NSRP1: variants seen among roughly 807,000 people sequenced by gnomAD.
The protein encoded by NSRP1 is coiled-coil domain containing 55.
A neutral mutation model predicts 54.7 loss-of-function variants in NSRP1; 24 were observed. That is an observed-to-expected ratio of 0.44 (90% CI 0.32 to 0.62). The LOEUF is 0.62. Among genes scored for constraint, NSRP1 ranks in the 20% least tolerant of loss-of-function variants. The probability of loss-of-function intolerance (pLI) is 0.06; values close to 1 mark genes in which losing one functional copy is unlikely to be tolerated. For synonymous variants in NSRP1, 210 were observed against 213.8 expected, an observed-to-expected ratio of 0.98 and a Z score of 0.15; for missense variants, 596 against 651.2, an observed-to-expected ratio of 0.92 and a Z score of 0.92.
In NSRP1 at chr17:30,183,232, T is replaced by A. The variant is rs202193585; in HGVS notation, c.618-1383T>A. Among the ~76,000 whole-genome samples, 127 of 63,530 alleles carry A rather than the reference T, an allele frequency of 2.0e-3. 1 individual carries two copies. The highest frequency in any genetic ancestry group is 3.1e-3 in the Admixed American group (13 of 4,142). The allele number at this position is 63,530 out of a possible 152,430, so 41.7% of individuals were successfully genotyped here. On this transcript the variant is annotated intron_variant, in intron 6 of 6. Transcript: ENST00000247026. ...TCTGTCCTAAGCAAAAAAAAAAAAA[T>A]TTTTTTTAACAGGAATGTTCTGGGT...
Position 30,145,103 on chromosome 17 carries a change from T to C in NSRP1, c.114+26930T>C, listed in dbSNP as rs375177358. Among the ~76,000 whole-genome samples the C allele has an allele frequency of 1.7e-4, 26 of 152,218 alleles. No individual in the cohort carries two copies. The East Asian group carries it at 2.1e-3, about 12-fold the overall frequency. On this transcript the variant is annotated intron_variant, in intron 2 of 6. Coordinates refer to ENST00000247026, the MANE Select transcript of NSRP1 (RefSeq NM_032141.4). ...ATTGTTTTTAACTACAGCATATACG[T>C]CTACTGTATTTTATCTATCCCATTC...
At chr17:30,149,545 C>G (rs890994044) in intron 2 of NSRP1, among the ~76,000 whole-genome samples, 8 of 152,074 alleles carry the variant, frequency 5.3e-5, no homozygotes, top group African/African-American at 1.9e-4. Flanking sequence ...AGATAAAGTT[C>G]ACATAGCAAA....
In NSRP1 at chr17:30,181,089, C is replaced by G. The variant is rs143646439; in HGVS notation, c.617+73C>G. On this transcript the variant is annotated intron_variant, in intron 6 of 6. Coordinates refer to ENST00000247026, the MANE Select transcript of NSRP1 (RefSeq NM_032141.4). ...TCTGTGGTTGTGGGGTCATTTTAAC[C>G]CTCTGAAAGATGGAAGATTACAACA... is the stretch of plus-strand genomic sequence containing the variant. 8.4e-3 allele frequency: 7,937 copies of G among 941,366 alleles called. 96 individuals carry two copies. Among genetic ancestry groups the G allele is most frequent in the South Asian group, 0.031 (2,315 of 75,606 alleles). The allele number at this position is 941,366 out of a possible 1,614,324, so 58.3% of individuals were successfully genotyped here.
At position 30,179,256 on chromosome 17, in the gene NSRP1, C is replaced by T. The variant is rs745547815; in HGVS notation, c.467C>T (p.Ala156Val). Residue 156 changes from alanine to valine, a missense_variant, in exon 5 of 7, where the codon GCT (alanine) becomes GTT (valine). Coordinates refer to ENST00000247026, the MANE Select transcript of NSRP1 (RefSeq NM_032141.4). ...SAYKKKLQER[A>V]EEEEREKRAA... ...TATAAGAAAAAACTGCAAGAGAGAG[C>T]TGAAGAAGAAGAAAGAGAAAAGAGG... 1 of 1,594,646 alleles carries T rather than the reference C, an allele frequency of 6.3e-7. No homozygotes were observed. Among genetic ancestry groups the T allele is most frequent in the Admixed American group, 1.7e-5 (1 of 58,564 alleles).
At chr17:30,140,354 C>T (rs1475433895) in intron 2 of NSRP1, among the ~76,000 whole-genome samples, 2 of 151,942 alleles carry the variant, frequency 1.3e-5, no homozygotes, top group Non-Finnish European at 2.9e-5. Context: ...TAAACAAAAG[C>T]TGTTTGGGTA....
At chr17:30,168,606 TAATA>T (rs1232330137) in intron 2 of NSRP1, among the ~76,000 whole-genome samples, 2 of 148,838 alleles carry the variant, frequency 1.3e-5, no homozygotes, top group South Asian at 2.1e-4. Flanking sequence ...ATAATAATAA[TAATA>T]AATAAAATAA....
chr17:30,133,685 C>T (rs1479235701), intron 2 of NSRP1, among the ~76,000 whole-genome samples: 5 of 152,204 alleles, frequency 3.3e-5, no homozygotes, highest in Non-Finnish European at 7.3e-5. Context: ...GTTTTGTCTA[C>T]ATTGAGAATC....
intron 2 of NSRP1, among the ~76,000 whole-genome samples, chr17:30,119,262 A>G (rs963436940): frequency 6.7e-6 from 1 of 150,028 alleles, no homozygotes; most frequent in African/African-American, 2.5e-5. Context: ...GCTAATTTTT[A>G]TTTTTTTATT....
At chr17:30,145,540 G>A (rs944503500) in intron 2 of NSRP1, among the ~76,000 whole-genome samples, 3 of 152,038 alleles carry the variant, frequency 2.0e-5, no homozygotes, top group Non-Finnish European at 4.4e-5. Context: ...CCGAGATCAC[G>A]CCACTGCACT....
In NSRP1 at chr17:30,131,906, T is replaced by G. The variant is rs188073593; in HGVS notation, c.114+13733T>G. ...ATGTAATAATCTAAATTCTTTGTTG[T>G]CATTTCAACAATGCTCACGTCGTCA... On this transcript the variant is annotated intron_variant, in intron 2 of 6. Coordinates refer to ENST00000247026, the MANE Select transcript of NSRP1 (RefSeq NM_032141.4). 1.1e-4 allele frequency among the ~76,000 whole-genome samples: 16 copies of G among 152,300 alleles called. No individual in the cohort carries two copies. The East Asian group carries it at 2.9e-3, about 28-fold the overall frequency.
chr17:30,156,366 C>CT (rs947306111), intron 2 of NSRP1, among the ~76,000 whole-genome samples: 27 of 114,744 alleles, frequency 2.4e-4, no homozygotes, highest in Non-Finnish European at 3.1e-4. Context: ...CCTCTGTTCA[C>CT]TATCATTCTA....
At chr17:30,120,505 T>C (rs1253485093) in intron 2 of NSRP1, among the ~76,000 whole-genome samples, 1 of 152,236 alleles carries the variant, frequency 6.6e-6, no homozygotes, top group Non-Finnish European at 1.5e-5. Flanking sequence ...ATATAGCCTA[T>C]ATACTTTTTA....
At chr17:30,183,549 C>T (rs888237797) in intron 6 of NSRP1, among the ~76,000 whole-genome samples, 1 of 152,142 alleles carries the variant, frequency 6.6e-6, no homozygotes, top group Admixed American at 6.5e-5. Flanking sequence ...GAATTCCTAA[C>T]TGTTAGTGGG....
At chr17:30,157,250 G>A (rs912438546) in intron 2 of NSRP1, among the ~76,000 whole-genome samples, 1 of 152,042 alleles carries the variant, frequency 6.6e-6, no homozygotes, top group Non-Finnish European at 1.5e-5. Flanking sequence ...GTGATGTTGG[G>A]CATTTTTTTA....
At chr17:30,128,668 T>A (rs573817686) in intron 2 of NSRP1, among the ~76,000 whole-genome samples, 1 of 148,464 alleles carries the variant, frequency 6.7e-6, no homozygotes, top group African/African-American at 2.4e-5. Flanking sequence ...ATATAATATA[T>A]TTTTAGGTAT....
At chr17:30,163,015 G>A (rs1904575572) in intron 2 of NSRP1, 2 of 152,048 alleles carry the variant, frequency 1.3e-5, no homozygotes, top group African/African-American at 4.8e-5. Flanking sequence ...GAGTAGCTGG[G>A]ATTACAGGCA....
At chr17:30,157,743 T>G (rs1904360831) in intron 2 of NSRP1, among the ~76,000 whole-genome samples, 1 of 152,160 alleles carries the variant, frequency 6.6e-6, no homozygotes, top group Non-Finnish European at 1.5e-5. Context: ...AGCTCCCACA[T>G]ATGAGTGAGG....
At chr17:30,137,277 A>G (rs2071758804) in intron 2 of NSRP1, among the ~76,000 whole-genome samples, 1 of 152,154 alleles carries the variant, frequency 6.6e-6, no homozygotes, top group Non-Finnish European at 1.5e-5. Context: ...AATCCTCTCT[A>G]CTGAGTTTAT....
chr17:30,158,537 TCAAC>T (rs1413041075), intron 2 of NSRP1, among the ~76,000 whole-genome samples: 30 of 152,142 alleles, frequency 2.0e-4, no homozygotes, highest in African/African-American at 7.0e-4. Flanking sequence ...ACTCTTTGCC[TCAAC>T]CAGTGTCCCT....
Sources: gnomAD v4.1 joint callset for allele counts (sites outside exome capture counted in the v4.1 genomes callset) on GRCh38, gnomAD v4.1.1 for gene constraint, MANE v1.5 for transcripts, NCBI Gene and HGNC (gene_info 2026-07-23, HGNC 2026-07-21) for gene names.